The following FIRRM variants were observed in gnomAD, a reference collection of about 807,000 sequenced individuals.
FIRRM encodes the protein FIGNL1 interacting regulator of recombination and mitosis.
the FIRRM span, among the ~76,000 whole-genome samples, chr1:169,821,000 C>T: frequency 6.6e-6 from 1 of 152,188 alleles, no homozygotes; most frequent in Non-Finnish European, 1.5e-5. Context: ...TTTCTATAGA[C>T]TGTATTTCCA....
the FIRRM span, chr1:169,852,019 G>GT: frequency 6.3e-7 from 1 of 1,586,670 alleles, no homozygotes; most frequent in Non-Finnish European, 8.6e-7. Context: ...AACCAGTGTG[G>GT]TTTCCAGCCT....
chr1:169,819,804 T>C, the FIRRM span, among the ~76,000 whole-genome samples: 1 of 152,124 alleles, frequency 6.6e-6, no homozygotes, highest in Non-Finnish European at 1.5e-5. Context: ...AGACAGTTCA[T>C]GGAGGGGAAG....
chr1:169,830,237 T>A, the FIRRM span: 18 of 1,576,900 alleles, frequency 1.1e-5, no homozygotes, highest in African/African-American at 2.7e-5. Flanking sequence ...TTAAATAAAT[T>A]AATTTTTCTG....
At chr1:169,804,286 A>G in the FIRRM span, 31 of 1,248,308 alleles carry the variant, frequency 2.5e-5, no homozygotes, top group Non-Finnish European at 2.9e-5. Context: ...ACTATAAATC[A>G]TGTATCAATT....
the FIRRM span, chr1:169,800,773 G>C: frequency 7.3e-6 from 2 of 273,110 alleles, no homozygotes; most frequent in South Asian, 9.2e-5. Flanking sequence ...GTGGTATTTT[G>C]AAAGTGTATC....
At chr1:169,834,416 C>T in the FIRRM span, among the ~76,000 whole-genome samples, 1 of 152,072 alleles carries the variant, frequency 6.6e-6, no homozygotes, top group African/African-American at 2.4e-5. Context: ...TGATAAGATA[C>T]ACATATGGCA....
the FIRRM span, chr1:169,852,596 T>C: frequency 1.7e-6 from 1 of 594,810 alleles, no homozygotes; most frequent in East Asian, 2.8e-5. Context: ...AGTAGCACTC[T>C]GAATTGCTAT....
chr1:169,793,229 T>C, the FIRRM span: 1 of 1,614,204 alleles, frequency 6.2e-7, no homozygotes, highest in East Asian at 2.2e-5. Flanking sequence ...TGTAATCAGA[T>C]CAGAGTGAGA....
the FIRRM span, chr1:169,829,126 G>A: frequency 2.0e-5 from 13 of 661,010 alleles, no homozygotes; most frequent in African/African-American, 1.7e-4. Flanking sequence ...ATATTCACAC[G>A]TGTTGGAAAC....
chr1:169,821,451 C>A, the FIRRM span, among the ~76,000 whole-genome samples: 1 of 152,022 alleles, frequency 6.6e-6, no homozygotes, highest in African/African-American at 2.4e-5. Context: ...GATTTCTTTT[C>A]TTTTCAGTAA....
At chr1:169,837,361 AAC>A in the FIRRM span, among the ~76,000 whole-genome samples, 4 of 152,210 alleles carry the variant, frequency 2.6e-5, no homozygotes, top group African/African-American at 9.7e-5. Context: ...GACATGATCA[AAC>A]ACACTATGGA....
chr1:169,812,856 C>CAA, the FIRRM span, among the ~76,000 whole-genome samples: 4 of 114,192 alleles, frequency 3.5e-5, no homozygotes, highest in East Asian at 7.5e-4. Context: ...GACTCCATCT[C>CAA]AAAAAAAAAA....
At chr1:169,835,041 G>C in the FIRRM span, among the ~76,000 whole-genome samples, 2 of 152,008 alleles carry the variant, frequency 1.3e-5, no homozygotes, top group Non-Finnish European at 2.9e-5. Context: ...GAAGGTGGTG[G>C]GACTAGAGAA....
the FIRRM span, among the ~76,000 whole-genome samples, chr1:169,810,347 C>T: frequency 8.5e-5 from 13 of 152,240 alleles, no homozygotes; most frequent in East Asian, 2.3e-3. Flanking sequence ...CTGGGGTTGC[C>T]GTAACAAGTT....
chr1:169,810,293 C>G, the FIRRM span, among the ~76,000 whole-genome samples: 27 of 152,264 alleles, frequency 1.8e-4, no homozygotes, highest in East Asian at 4.8e-3. Context: ...TAATATTACA[C>G]TATTTATAGA....
the FIRRM span, among the ~76,000 whole-genome samples, chr1:169,791,187 A>G: frequency 1.2e-4 from 19 of 152,220 alleles, no homozygotes; most frequent in Admixed American, 5.2e-4. Flanking sequence ...CGCAGGCATC[A>G]GGGACCCCTG....
chr1:169,813,668 T>C, the FIRRM span, among the ~76,000 whole-genome samples: 1 of 152,204 alleles, frequency 6.6e-6, no homozygotes, highest in Non-Finnish European at 1.5e-5. Flanking sequence ...TTGTTCGGTA[T>C]GTCCACAGAA....
chr1:169,828,551 TG>T, the FIRRM span, among the ~76,000 whole-genome samples: 3 of 152,030 alleles, frequency 2.0e-5, no homozygotes, highest in African/African-American at 7.2e-5. Context: ...AGTTTTGTTT[TG>T]TTTTTTTTTT....
the FIRRM span, among the ~76,000 whole-genome samples, chr1:169,810,833 A>AGTTTT: frequency 9.7e-6 from 1 of 102,806 alleles, no homozygotes; most frequent in Admixed American, 1.1e-4. Flanking sequence ...TTTAGCCCCC[A>AGTTTT]ATTTTTTTTT....
Sources: allele counts gnomAD v4.1 joint callset (sites outside exome capture counted in the v4.1 genomes callset), GRCh38; gene constraint gnomAD v4.1.1; transcripts MANE v1.5; gene names NCBI Gene and HGNC (gene_info 2026-07-23, HGNC 2026-07-21).